The following SORCS1 variants were observed in gnomAD, a reference collection of about 807,000 sequenced individuals.
The protein encoded by SORCS1 is VPS10 domain-containing receptor SorCS1.
A neutral mutation model predicts 146.1 loss-of-function variants in SORCS1; 60 were observed. That is an observed-to-expected ratio of 0.41 (90% CI 0.33 to 0.51). The LOEUF (loss-of-function observed/expected upper bound fraction) is 0.51, where lower values mean the gene tolerates loss of function less well. Ranked by LOEUF, SORCS1 falls within the 20% of genes least tolerant of loss-of-function variation. SORCS1 has a pLI of 0.21. For missense variants in SORCS1, 1,352 were observed against 1,487.6 expected, an observed-to-expected ratio of 0.91 and a Z score of 1.50; for synonymous variants, 637 against 584.0, an observed-to-expected ratio of 1.09 and a Z score of -1.31.
chr10:106,754,356 C>A (rs113380441), intron 5 of SORCS1, among the ~76,000 whole-genome samples: 71 of 152,284 alleles, frequency 4.7e-4, no homozygotes, highest in African/African-American at 1.7e-3. Context: ...AGAGATCAAG[C>A]TCTTATGCCT....
chr10:106,819,821 C>G (rs189062199), intron 3 of SORCS1, among the ~76,000 whole-genome samples: 133 of 152,304 alleles, frequency 8.7e-4, no homozygotes, highest in Admixed American at 4.0e-3. Flanking sequence ...TTAATAAGTT[C>G]CTGGTAAATT....
rs759262148 is a variant in SORCS1 at position 107,164,100 on chromosome 10, G to A, written c.427C>T (p.Arg143Trp). The A allele has an allele frequency of 5.6e-6, 9 of 1,613,864 alleles. No individual in the cohort carries two copies. The highest frequency in any genetic ancestry group is 1.1e-5 in the South Asian group (1 of 91,070). The part of the protein sequence containing the change: ...RDGGQQEPGT[R>W]ERDPDKATRF... ...GTGGCTTTGTCCGGGTCCCGCTCCC[G>A]AGTCCCAGGCTCCTGCTGCCCTCCA... The change falls in exon 1 of 26, where the codon CGG becomes TGG. Residue 143 changes from arginine (R) to tryptophan (W), a missense_variant. By Grantham distance (101) the Arg-to-Trp change is moderately radical. This residue lies in a region of SORCS1 where 490 missense variants were observed against 489.1 expected (regional missense o/e 1.00). Coordinates refer to ENST00000263054, the MANE Select transcript of SORCS1 (RefSeq NM_052918.5). This position sits in a 1 kb window ranked among gnomAD's most constrained non-coding sequence, Gnocchi z 6.8.
At chr10:106,775,154 T>G (rs1860331453) in intron 4 of SORCS1, among the ~76,000 whole-genome samples, 1 of 152,158 alleles carries the variant, frequency 6.6e-6, no homozygotes, top group Admixed American at 6.5e-5. Flanking sequence ...GGCAGGTAAA[T>G]CTGGTCCTCG....
chr10:106,961,788 C>T (rs184165788), intron 1 of SORCS1, among the ~76,000 whole-genome samples: 135 of 152,312 alleles, frequency 8.9e-4, no homozygotes, highest in South Asian at 1.5e-3. Flanking sequence ...GTGAATAGCC[C>T]ACCCCATAAT....
chr10:107,013,306 T>C (rs758366755), intron 1 of SORCS1, among the ~76,000 whole-genome samples: 2 of 151,982 alleles, frequency 1.3e-5, no homozygotes, highest in Non-Finnish European at 2.9e-5. Flanking sequence ...TCACTGAAAT[T>C]CAGCAAGAAA....
intron 18 of SORCS1, among the ~76,000 whole-genome samples, chr10:106,652,131 A>G (rs1293448870): frequency 6.6e-6 from 1 of 152,264 alleles, no homozygotes; most frequent in Non-Finnish European, 1.5e-5. Context: ...ATTAAATCCA[A>G]CAGATCCTCC....
At chr10:107,005,093 T>G (rs998182911) in intron 1 of SORCS1, among the ~76,000 whole-genome samples, 4 of 152,114 alleles carry the variant, frequency 2.6e-5, no homozygotes, top group Non-Finnish European at 5.9e-5. Flanking sequence ...CAATCAACTC[T>G]AAGGAAATAA....
intron 1 of SORCS1, among the ~76,000 whole-genome samples, chr10:107,034,017 G>A (rs7094258): frequency 0.36 from 54,730 of 152,052 alleles, 9,893 homozygotes; most frequent in Admixed American, 0.41. Flanking sequence ...CCCCTAGTTC[G>A]TTGGTAGTGG....
intron 23 of SORCS1, among the ~76,000 whole-genome samples, chr10:106,606,897 T>G (rs1260703605): frequency 6.6e-6 from 1 of 152,204 alleles, no homozygotes; most frequent in Non-Finnish European, 1.5e-5. Context: ...TGCTTCCCCT[T>G]CCGCCATGAT....
chr10:107,092,181 G>A (rs1964232173), intron 1 of SORCS1, among the ~76,000 whole-genome samples: 1 of 152,212 alleles, frequency 6.6e-6, no homozygotes, highest in African/African-American at 2.4e-5. Context: ...AGGATTGGAA[G>A]CCATACTAAA....
At chr10:106,677,012 C>G (rs1852078574) in intron 13 of SORCS1, among the ~76,000 whole-genome samples, 1 of 152,128 alleles carries the variant, frequency 6.6e-6, no homozygotes, top group South Asian at 2.1e-4. Flanking sequence ...TTTCCTTACA[C>G]CTGGTTACAT....
chr10:106,630,530 CT>C (rs1315035279), intron 18 of SORCS1, among the ~76,000 whole-genome samples: 2 of 152,168 alleles, frequency 1.3e-5, no homozygotes, highest in Non-Finnish European at 2.9e-5. Context: ...CAAGGCTCCC[CT>C]GGCATGAATT....
intron 1 of SORCS1, among the ~76,000 whole-genome samples, chr10:107,132,121 T>TTC (rs1036078377): frequency 2.6e-5 from 4 of 151,882 alleles, no homozygotes; most frequent in Non-Finnish European, 4.4e-5. Flanking sequence ...ACAGGTCAAT[T>TTC]TCTCTCTCTC....
chr10:106,922,889 TTC>T (rs1445929338), intron 2 of SORCS1, among the ~76,000 whole-genome samples: 10 of 99,070 alleles, frequency 1.0e-4, no homozygotes, highest in Non-Finnish European at 4.0e-5. Context: ...ATGCAGCCTT[TTC>T]TTTTTTTTTT....
At chr10:106,673,605 G>C (rs866590015) in intron 14 of SORCS1, among the ~76,000 whole-genome samples, 4 of 152,132 alleles carry the variant, frequency 2.6e-5, no homozygotes, top group African/African-American at 9.7e-5. Context: ...GAGAAAATAT[G>C]GTTGAGAAAA....
intron 2 of SORCS1, among the ~76,000 whole-genome samples, chr10:106,950,318 G>T (rs986529535): frequency 6.6e-6 from 1 of 152,210 alleles, no homozygotes; most frequent in Admixed American, 6.5e-5. Flanking sequence ...ATCCAGCAAG[G>T]CTTACAGCCC....
intron 2 of SORCS1, among the ~76,000 whole-genome samples, chr10:106,906,657 C>T (rs553577480): frequency 5.3e-5 from 8 of 152,260 alleles, no homozygotes; most frequent in South Asian, 2.1e-4. Context: ...TTCCACAACA[C>T]GTGGGAATTC....
intron 1 of SORCS1, among the ~76,000 whole-genome samples, chr10:106,970,336 CT>C (rs766818370): frequency 0.018 from 1,651 of 89,406 alleles, 52 homozygotes; most frequent in African/African-American, 0.081. Context: ...ACCAACATCT[CT>C]TTTTTTTTTT....
intron 21 of SORCS1, among the ~76,000 whole-genome samples, chr10:106,615,696 A>C (rs142622781): frequency 7.1e-4 from 108 of 152,316 alleles, no homozygotes; most frequent in African/African-American, 2.5e-3. Flanking sequence ...GACCAAAGAC[A>C]AATTAAGGGT....
Sources: allele counts gnomAD v4.1 joint callset (sites outside exome capture counted in the v4.1 genomes callset), GRCh38; gene constraint gnomAD v4.1.1; regional missense constraint gnomAD v4.1.1; non-coding constraint Gnocchi (gnomAD v3.1); transcripts MANE v1.5; gene names NCBI Gene and HGNC (gene_info 2026-07-23, HGNC 2026-07-21).